NCAM2: variants seen among roughly 807,000 people sequenced by gnomAD.
NCAM2 encodes the protein neural cell adhesion molecule 2, also known as N-CAM-2.
Under a neutral mutation model 98.1 loss-of-function variants are expected in NCAM2, and 30 were observed. The ratio of observed to expected loss-of-function variants is 0.31; its 90% confidence interval spans 0.23 to 0.41. The LOEUF is 0.41. Ranked by LOEUF, NCAM2 falls within the 10% of genes least tolerant of loss-of-function variation. NCAM2 has a pLI of 1.00. For synonymous variants in NCAM2, 368 were observed against 342.4 expected, an observed-to-expected ratio of 1.07 and a Z score of -0.83; for missense variants, 867 against 1,005.8, an observed-to-expected ratio of 0.86 and a Z score of 1.87.
chr21:21,125,034 C>A (rs928512404), intron 1 of NCAM2, among the ~76,000 whole-genome samples: 1 of 152,012 alleles, frequency 6.6e-6, no homozygotes, highest in African/African-American at 2.4e-5. Flanking sequence ...TCAAAACTCA[C>A]CAGTTTCTAA....
chr21:21,488,435 G>T (rs1041617424), intron 15 of NCAM2, among the ~76,000 whole-genome samples: 3 of 151,738 alleles, frequency 2.0e-5, no homozygotes, highest in Non-Finnish European at 1.5e-5. Flanking sequence ...GTACAAGAAA[G>T]AATTAAACCA....
chr21:21,079,506 T>C (rs1374398993), intron 1 of NCAM2, among the ~76,000 whole-genome samples: 1 of 152,186 alleles, frequency 6.6e-6, no homozygotes, highest in Non-Finnish European at 1.5e-5. Context: ...GTAAACAATG[T>C]ATTACAGTAA....
chr21:21,123,256 G>A (rs1027706122), intron 1 of NCAM2, among the ~76,000 whole-genome samples: 2 of 151,920 alleles, frequency 1.3e-5, no homozygotes, highest in Non-Finnish European at 2.9e-5. Context: ...TCAGCCGGGC[G>A]TGGTGGCACG....
chr21:21,258,867 C>T (rs921160211), intron 1 of NCAM2, among the ~76,000 whole-genome samples: 10 of 152,044 alleles, frequency 6.6e-5, no homozygotes, highest in African/African-American at 1.2e-4. Context: ...TGGACATCTA[C>T]GTCTAGGTTT....
chr21:21,131,219 A>G (rs1391974538), intron 1 of NCAM2, among the ~76,000 whole-genome samples: 2 of 151,420 alleles, frequency 1.3e-5, no homozygotes, highest in African/African-American at 4.9e-5. Flanking sequence ...ATCACCATTC[A>G]ATAACCATAT....
chr21:21,357,291 T>C (rs961601776), intron 8 of NCAM2, among the ~76,000 whole-genome samples: 1 of 152,104 alleles, frequency 6.6e-6, no homozygotes, highest in Non-Finnish European at 1.5e-5. Context: ...CACCAAAATA[T>C]CTCCTCGTAA....
chr21:21,132,132 A>G (rs2066948826), intron 1 of NCAM2, among the ~76,000 whole-genome samples: 1 of 152,144 alleles, frequency 6.6e-6, no homozygotes, highest in Non-Finnish European at 1.5e-5. Context: ...CTCTTCTTCC[A>G]TCTTCAAAGG....
chr21:21,514,262 G>A (rs548820221), intron 16 of NCAM2, among the ~76,000 whole-genome samples: 2 of 151,034 alleles, frequency 1.3e-5, no homozygotes, highest in South Asian at 2.1e-4. Context: ...GATCACCTGA[G>A]GTCAGGAGTT....
chr21:21,428,915 A>T (rs1325152867), intron 11 of NCAM2, among the ~76,000 whole-genome samples: 1 of 152,162 alleles, frequency 6.6e-6, no homozygotes. Context: ...ACTTTGTTCT[A>T]TGTTACATGT....
rs60264986 is a variant in NCAM2, at chr21:21,230,312, T to A, written c.56-50266T>A. Among the ~76,000 whole-genome samples, 586 of 151,356 alleles carry A rather than the reference T, an allele frequency of 3.9e-3. 7 individuals carry two copies. Among genetic ancestry groups the A allele is most frequent in the African/African-American group, 0.014 (564 of 41,470 alleles). Reference sequence around the variant, plus strand: ...GTTTTTTAAAAATCATTGTCTCACTTTTTTTTGAGATTATGATGATAAAAG... The same window carrying A: ...GTTTTTTAAAAATCATTGTCTCACTATTTTTTGAGATTATGATGATAAAAG... On this transcript the variant is annotated intron_variant, in intron 1 of 17. Transcript: ENST00000400546.
chr21:21,023,369 C>T lies in NCAM2; in HGVS notation c.55+24751C>T, dbSNP rs1447619139. Among the ~76,000 whole-genome samples the T allele has an allele frequency of 4.0e-5, 6 of 151,832 alleles. No homozygotes were observed. In the East Asian group the frequency reaches 9.7e-4, roughly 24 times the overall value. ...TGGAATCCCGTCTCTACTAAAAGTGCAAAAATTAGCCAGGCGTGGTGGTGG... is the reference window on the plus strand; with the variant it reads ...TGGAATCCCGTCTCTACTAAAAGTGTAAAAATTAGCCAGGCGTGGTGGTGG... On this transcript the variant is annotated intron_variant, in intron 1 of 17. Coordinates refer to ENST00000400546, the MANE Select transcript of NCAM2 (RefSeq NM_004540.5).
intron 5 of NCAM2, among the ~76,000 whole-genome samples, chr21:21,308,430 A>G (rs945575269): frequency 6.6e-6 from 1 of 152,284 alleles, no homozygotes; most frequent in South Asian, 2.1e-4. Context: ...TTTCAGTACT[A>G]TAAACATTAT....
intron 5 of NCAM2, among the ~76,000 whole-genome samples, chr21:21,313,607 A>G (rs1274757294): frequency 6.6e-6 from 1 of 151,932 alleles, no homozygotes; most frequent in Non-Finnish European, 1.5e-5. Context: ...GTGATTTCTT[A>G]TAGACAGCAT....
At chr21:21,496,195 T>C (rs1987222603) in intron 15 of NCAM2, among the ~76,000 whole-genome samples, 1 of 151,912 alleles carries the variant, frequency 6.6e-6, no homozygotes, top group Non-Finnish European at 1.5e-5. Context: ...ATCTCCAGAC[T>C]GCTTTCCTCA....
intron 1 of NCAM2, among the ~76,000 whole-genome samples, chr21:21,171,939 G>A (rs1020749143): frequency 6.6e-6 from 1 of 151,984 alleles, no homozygotes; most frequent in Non-Finnish European, 1.5e-5. Context: ...CAAATTGCAA[G>A]AACTTCAGTC....
chr21:21,431,127 G>T (rs2077333472), intron 11 of NCAM2, among the ~76,000 whole-genome samples: 1 of 148,688 alleles, frequency 6.7e-6, no homozygotes, highest in African/African-American at 2.5e-5. Flanking sequence ...ATATGTTTGT[G>T]TGTGTGTGTG....
chr21:21,329,479 A>G (rs1170770846), intron 6 of NCAM2, among the ~76,000 whole-genome samples: 1 of 152,172 alleles, frequency 6.6e-6, no homozygotes, highest in Non-Finnish European at 1.5e-5. Flanking sequence ...CAGAGCTACA[A>G]AATTGACTGG....
At chr21:21,205,410 G>T (rs926090433) in intron 1 of NCAM2, among the ~76,000 whole-genome samples, 17 of 152,000 alleles carry the variant, frequency 1.1e-4, no homozygotes, top group African/African-American at 4.1e-4. Flanking sequence ...CCTTTATTTT[G>T]GGGGCATTCT....
At chr21:21,109,789 C>T (rs756058500) in intron 1 of NCAM2, among the ~76,000 whole-genome samples, 15 of 152,162 alleles carry the variant, frequency 9.9e-5, no homozygotes, top group Admixed American at 7.9e-4. Flanking sequence ...ATCCCTCTTT[C>T]CTCTAGCTGT....
Sources: allele counts gnomAD v4.1 joint callset (sites outside exome capture counted in the v4.1 genomes callset), GRCh38; gene constraint gnomAD v4.1.1; transcripts MANE v1.5; gene names NCBI Gene and HGNC (gene_info 2026-07-23, HGNC 2026-07-21).